The following TMEM114 variants were observed in gnomAD, a reference collection of about 807,000 sequenced individuals.
TMEM114 encodes the protein transmembrane protein 114, also known as claudin-26.
Under a neutral mutation model 6.2 loss-of-function variants are expected in TMEM114, and 6 were observed. The ratio of observed to expected loss-of-function variants is 0.97; its 90% confidence interval spans 0.53 to 1.91. The LOEUF (loss-of-function observed/expected upper bound fraction) is 1.91. TMEM114 is among the 40% of genes most tolerant of loss of function. TMEM114 has a pLI of 0.01. For missense variants in TMEM114, 218 were observed against 158.3 expected, an observed-to-expected ratio of 1.38 and a Z score of -2.02; for synonymous variants, 104 against 73.0, an observed-to-expected ratio of 1.42 and a Z score of -2.16.
chr16:8,549,694 G>T (rs761113333), intron 2 of TMEM114, among the ~76,000 whole-genome samples: 1 of 152,002 alleles, frequency 6.6e-6, no homozygotes, highest in Non-Finnish European at 1.5e-5. Flanking sequence ...TTTTGTATGC[G>T]GGGTTCTGTG....
chr16:8,563,265 GTCA>G, intron 2 of TMEM114, among the ~76,000 whole-genome samples: 2 of 151,454 alleles, frequency 1.3e-5, no homozygotes, highest in Non-Finnish European at 2.9e-5. Flanking sequence ...GAATGAATGA[GTCA>G]GTGAATGAGT....
intron 2 of TMEM114, among the ~76,000 whole-genome samples, chr16:8,554,771 A>G (rs919446721): frequency 6.6e-6 from 1 of 152,192 alleles, no homozygotes; most frequent in African/African-American, 2.4e-5. Flanking sequence ...TGTTCTACGT[A>G]CTTTGCCTGC....
downstream of TMEM114, among the ~76,000 whole-genome samples, chr16:8,533,183 G>C (rs547718444): frequency 2.6e-5 from 4 of 152,160 alleles, no homozygotes; most frequent in Non-Finnish European, 4.4e-5. Context: ...ATAGTGATGA[G>C]AGCTGATAAA....
intron 2 of TMEM114, among the ~76,000 whole-genome samples, chr16:8,588,788 G>C (rs1021339056): frequency 6.6e-6 from 1 of 152,320 alleles, no homozygotes; most frequent in South Asian, 2.1e-4. Flanking sequence ...CGCTGGCATG[G>C]AATCTGTGGA....
intron 2 of TMEM114, among the ~76,000 whole-genome samples, chr16:8,563,700 AG>A (rs1300441197): frequency 2.4e-5 from 3 of 123,920 alleles, no homozygotes; most frequent in African/African-American, 8.6e-5. Context: ...TGAGTGAGTT[AG>A]TGAATGAGTG....
At chr16:8,580,117 C>T (rs530327526) in intron 2 of TMEM114, among the ~76,000 whole-genome samples, 1 of 152,242 alleles carries the variant, frequency 6.6e-6, no homozygotes, top group South Asian at 2.1e-4. Flanking sequence ...ACAAGCCACA[C>T]TAATGAGAAA....
At chr16:8,545,850 C>A (rs936696571) in intron 2 of TMEM114, among the ~76,000 whole-genome samples, 1 of 152,204 alleles carries the variant, frequency 6.6e-6, no homozygotes, top group Non-Finnish European at 1.5e-5. Flanking sequence ...CATGGTGGCT[C>A]ATGCCTGTAA....
At chr16:8,527,003 C>G in the TMEM114 span, among the ~76,000 whole-genome samples, 5 of 151,672 alleles carry the variant, frequency 3.3e-5, no homozygotes, top group African/African-American at 1.2e-4. Context: ...AGGTCAGGAG[C>G]TCAAGACCAG....
At chr16:8,571,833 A>G (rs550056963) in intron 3 of TMEM114, among the ~76,000 whole-genome samples, 1 of 152,290 alleles carries the variant, frequency 6.6e-6, no homozygotes, top group South Asian at 2.1e-4. Flanking sequence ...CAAAGGTAAT[A>G]CATGCGGCTT....
chr16:8,561,687 G>T (rs1211128833), intron 2 of TMEM114, among the ~76,000 whole-genome samples: 1 of 152,238 alleles, frequency 6.6e-6, no homozygotes, highest in Non-Finnish European at 1.5e-5. Flanking sequence ...ATGAATGAGT[G>T]AGCGAGTGAA....
chr16:8,574,438 C>T (rs778030216), intron 2 of TMEM114, among the ~76,000 whole-genome samples: 16 of 152,308 alleles, frequency 1.1e-4, no homozygotes, highest in Non-Finnish European at 1.9e-4. Flanking sequence ...GTTTTGCCTT[C>T]AGTCCCTCAA....
chr16:8,583,600 T>C (rs1400312767), intron 2 of TMEM114, among the ~76,000 whole-genome samples: 1 of 151,840 alleles, frequency 6.6e-6, no homozygotes, highest in Non-Finnish European at 1.5e-5. Flanking sequence ...AATACAAAAT[T>C]AGTTGGGTGT....
intron 2 of TMEM114, among the ~76,000 whole-genome samples, chr16:8,587,863 G>A (rs1457243784): frequency 6.6e-6 from 1 of 151,412 alleles, no homozygotes; most frequent in Non-Finnish European, 1.5e-5. Context: ...TGAGTGGAGG[G>A]AGAAGGCCAG....
chr16:8,573,651 A>G (rs933791350), intron 2 of TMEM114, among the ~76,000 whole-genome samples: 2 of 152,150 alleles, frequency 1.3e-5, no homozygotes, highest in African/African-American at 4.8e-5. Flanking sequence ...GCATCTTTAA[A>G]TCCTTTTGGC....
intron 3 of TMEM114, among the ~76,000 whole-genome samples, chr16:8,570,872 C>T (rs531389248): frequency 6.6e-6 from 1 of 152,340 alleles, no homozygotes; most frequent in South Asian, 2.1e-4. Context: ...CATCAGCACT[C>T]ACTGCCCTGG....
At chr16:8,571,727 C>G (rs1901740354) in intron 3 of TMEM114, among the ~76,000 whole-genome samples, 1 of 152,210 alleles carries the variant, frequency 6.6e-6, no homozygotes, top group East Asian at 1.9e-4. Flanking sequence ...CAGTATCTAT[C>G]AGAATGGCTG....
At chr16:8,584,917 C>T (rs1470907347) in intron 2 of TMEM114, among the ~76,000 whole-genome samples, 5 of 111,298 alleles carry the variant, frequency 4.5e-5, no homozygotes, top group East Asian at 4.3e-4. Context: ...AGTGAAACGC[C>T]GTCTCAAAAA....
chr16:8,549,392 C>A (rs189247463), intron 2 of TMEM114, among the ~76,000 whole-genome samples: 1 of 148,630 alleles, frequency 6.7e-6, no homozygotes, highest in Non-Finnish European at 1.5e-5. Flanking sequence ...CTCAGCTACT[C>A]GGGAGGCTGA....
chr16:8,576,801 T>A (rs7500985), intron 2 of TMEM114, among the ~76,000 whole-genome samples: 74,074 of 151,778 alleles, frequency 0.49, 19,820 homozygotes, highest in East Asian at 0.73. Context: ...TAATAGGTGC[T>A]TTATTTTGGG....
Sources: allele counts gnomAD v4.1 joint callset (sites outside exome capture counted in the v4.1 genomes callset), GRCh38; gene constraint gnomAD v4.1.1; transcripts MANE v1.5; gene names NCBI Gene and HGNC (gene_info 2026-07-23, HGNC 2026-07-21).